Variants in MAP3K2 observed in about 807,000 individuals in gnomAD.
MAP3K2 encodes the protein MAP/ERK kinase kinase 2.
Under a neutral mutation model 80.3 loss-of-function variants are expected in MAP3K2, and 24 were observed. The ratio of observed to expected loss-of-function variants is 0.30; its 90% CI spans 0.22 to 0.42. The LOEUF is 0.42. MAP3K2 is among the 10% of genes least tolerant of loss of function. The probability of loss-of-function intolerance (pLI) is 1.00; values close to 1 mark genes in which losing one functional copy is unlikely to be tolerated. For missense variants in MAP3K2, 608 were observed against 750.1 expected, an observed-to-expected ratio of 0.81 and a Z score of 2.21; for synonymous variants, 244 against 253.7, an observed-to-expected ratio of 0.96 and a Z score of 0.36.
rs546033425 is a variant in MAP3K2 at position 127,323,784 on chromosome 2, A to G, written c.838+118T>C. 4 of 483,220 alleles carry G rather than the reference A, an allele frequency of 8.3e-6. No individual in the cohort carries two copies. In the South Asian group the frequency reaches 1.4e-4, roughly 16 times the overall value. The allele number at this position is 483,220 out of a possible 1,614,324, so 29.9% of individuals were successfully genotyped here. A position where few individuals can be genotyped will look rare whatever the true frequency, so the allele number is the denominator to read the frequency against. ...CCCATTATACTTTTGTTATAACACA[A>G]TTCCTCATATTTTTCTAATGGTATT... On this transcript the variant is annotated intron_variant, in intron 11 of 16. Transcript: ENST00000682094.
intron 12 of MAP3K2, among the ~76,000 whole-genome samples, chr2:127,319,666 A>G (rs112748552): frequency 0.029 from 4,319 of 148,354 alleles, 115 homozygotes; most frequent in Middle Eastern, 0.066. Context: ...AAAAAAAAAA[A>G]AAAAAAAAAA....
At chr2:127,313,964 T>A (rs1252441948) in intron 15 of MAP3K2, among the ~76,000 whole-genome samples, 1 of 152,168 alleles carries the variant, frequency 6.6e-6, no homozygotes, top group Admixed American at 6.5e-5. Flanking sequence ...ACCATCATGC[T>A]GCTATTCATT....
chr2:127,319,132 T>G (rs1316570026), intron 12 of MAP3K2, among the ~76,000 whole-genome samples: 7 of 151,580 alleles, frequency 4.6e-5, no homozygotes, highest in Non-Finnish European at 8.8e-5. Context: ...TTCCAAACCC[T>G]TTTCCCCTAA....
intron 4 of MAP3K2, 132 bp from the exon 5 acceptor site, chr2:127,336,101 C>T: frequency 3.8e-6 from 2 of 531,788 alleles, no homozygotes; most frequent in East Asian, 2.9e-5. Context: ...CTTAACACTA[C>T]AACAGCACAT....
At chr2:127,388,024 A>T (rs1032732070), upstream of MAP3K2, 8 of 981,352 alleles carry the variant, frequency 8.2e-6, no homozygotes, top group East Asian at 2.3e-4. Flanking sequence ...GTGCGCGCGC[A>T]CCCCTCCGCC....
At position 127,317,632 on chromosome 2, in the gene MAP3K2, T is replaced by C. The variant is rs1685931921; in HGVS notation, c.1323A>G (p.Pro441=). ...KTLSIFMEYM[P]GGSIKDQLKA... ...TCAAAAAGATGTACTAACTTACCCC[T>C]GGCATATATTCCATAAATATGGAAA... The change falls in exon 14 of 17, where the codon CCA becomes CCG. Residue 441 remains proline (P), a synonymous_variant. Transcript: ENST00000682094. 1.8e-5 allele frequency: 28 copies of C among 1,563,414 alleles called. No homozygotes were observed. The highest frequency in any genetic ancestry group is 2.4e-5 in the Non-Finnish European group (28 of 1,153,486).
chr2:127,324,852 G>C (rs1014656259), intron 9 of MAP3K2, among the ~76,000 whole-genome samples: 2 of 152,096 alleles, frequency 1.3e-5, no homozygotes, highest in Non-Finnish European at 2.9e-5. Flanking sequence ...AGACCAGGAG[G>C]GGGAGCACGT....
chr2:127,386,640 A>T (rs7604883), intron 1 of MAP3K2, among the ~76,000 whole-genome samples: 1 of 152,096 alleles, frequency 6.6e-6, no homozygotes, highest in Non-Finnish European at 1.5e-5. Flanking sequence ...CTAGTACATA[A>T]AAAGTAAAGG....
chr2:127,333,601 G>T (rs930200095), intron 5 of MAP3K2, among the ~76,000 whole-genome samples: 1 of 152,122 alleles, frequency 6.6e-6, no homozygotes, highest in African/African-American at 2.4e-5. Flanking sequence ...ATATGAAACA[G>T]GATACGGTTC....
Position 127,305,927 on chromosome 2 carries a change from A to G in MAP3K2, c.*1652T>C, listed in dbSNP as rs1685688628. On this transcript the variant is annotated 3_prime_UTR_variant, in exon 17 of 17. Transcript: ENST00000682094. ...TTAGTAGTTAAAATTTTGTTTTGAT[A>G]TGCTTTTTTTTTTTTTTTTGCCCAA... 1 of 111,432 alleles carries G rather than the reference A, an allele frequency of 9.0e-6. No homozygotes were observed. Among genetic ancestry groups the G allele is most frequent in the South Asian group, 3.0e-4 (1 of 3,282 alleles). 6.9% of individuals were successfully genotyped at this position (111,432 alleles called of 1,614,324 possible).
At position 127,345,203 on chromosome 2, in the gene MAP3K2, T is replaced by C. The variant is rs138390763; in HGVS notation, c.-65-2009A>G. ...GACAGTAAAAGGATAGAAAAAGATATACTATGCAAACAGTAGTCAAAACAG... is the reference window on the plus strand; with the variant it reads ...GACAGTAAAAGGATAGAAAAAGATACACTATGCAAACAGTAGTCAAAACAG... On this transcript the variant is annotated intron_variant, in intron 1 of 16. Transcript: ENST00000682094. Among the ~76,000 whole-genome samples the C allele has an allele frequency of 6.0e-4, 92 of 152,274 alleles. 2 individuals carry two copies. The East Asian group carries it at 0.016, about 27-fold the overall frequency.
rs567344578 is a variant in MAP3K2, at chr2:127,352,666, G to C, written c.-65-9472C>G. 9.2e-5 allele frequency among the ~76,000 whole-genome samples: 14 copies of C among 152,002 alleles called. No individual in the cohort carries two copies. The South Asian group carries it at 2.7e-3, about 29-fold the overall frequency. ...GATGGCAAAGCAGTAAGTTAAAAAA[G>C]AGTGCATGCTTCCCTCTCCCTCTCC... On this transcript the variant is annotated intron_variant, in intron 1 of 16. Coordinates refer to ENST00000682094, the MANE Select transcript of MAP3K2 (RefSeq NM_001371910.2).
At chr2:127,361,599 T>C (rs1344702859) in intron 1 of MAP3K2, among the ~76,000 whole-genome samples, 1 of 152,204 alleles carries the variant, frequency 6.6e-6, no homozygotes, top group African/African-American at 2.4e-5. Flanking sequence ...CATCTAGTGG[T>C]CCCTGTGGTC....
chr2:127,349,176 T>G (rs1281559819), intron 1 of MAP3K2, among the ~76,000 whole-genome samples: 6 of 152,094 alleles, frequency 3.9e-5, no homozygotes, highest in African/African-American at 1.4e-4. Flanking sequence ...CTTTTTTTTT[T>G]TGGAGACAGG....
intron 1 of MAP3K2, among the ~76,000 whole-genome samples, chr2:127,356,280 T>C (rs72845999): frequency 0.034 from 5,162 of 152,262 alleles, 127 homozygotes; most frequent in Middle Eastern, 0.071. Flanking sequence ...TTTGATCCGA[T>C]TGATCAGAAC....
chr2:127,385,620 A>G (rs1353669822), intron 1 of MAP3K2, among the ~76,000 whole-genome samples: 1 of 152,240 alleles, frequency 6.6e-6, no homozygotes, highest in Non-Finnish European at 1.5e-5. Context: ...TGTTTAATCT[A>G]GAGGGTCAAG....
rs1386229590 is a variant in MAP3K2 at position 127,387,632 on chromosome 2, CCT to C, written c.-248_-247del. 1.0e-6 allele frequency: 1 copy of C among 984,926 alleles called. No homozygotes were observed. Among genetic ancestry groups the C allele is most frequent in the Admixed American group, 6.2e-5 (1 of 16,240 alleles). The allele number at this position is 984,926 out of a possible 1,614,324, so 61.0% of individuals were successfully genotyped here. ...CGCGGGCCTTGGGGCCAGGCCCGTC[CCT>C]CTTTCACATGAAGCCCGGGCCGGGC... On this transcript the variant is annotated 5_prime_UTR_variant, in exon 1 of 17. Coordinates refer to ENST00000682094, the MANE Select transcript of MAP3K2 (RefSeq NM_001371910.2).
chr2:127,349,162 C>T (rs1010831724), intron 1 of MAP3K2, among the ~76,000 whole-genome samples: 1 of 142,518 alleles, frequency 7.0e-6, no homozygotes, highest in Admixed American at 6.8e-5. Context: ...CCTTTCTTTT[C>T]TTTCTTTTTT....
chr2:127,352,779 G>A (rs1686716268), intron 1 of MAP3K2, among the ~76,000 whole-genome samples: 1 of 150,798 alleles, frequency 6.6e-6, no homozygotes, highest in Admixed American at 6.6e-5. Flanking sequence ...CTGCCATCTC[G>A]GCTCACTGCA....
Sources: gnomAD v4.1 joint callset for allele counts (sites outside exome capture counted in the v4.1 genomes callset) on GRCh38, gnomAD v4.1.1 for gene constraint, MANE v1.5 for transcripts, NCBI Gene and HGNC (gene_info 2026-07-23, HGNC 2026-07-21) for gene names.